The following PSG1 variants were observed in gnomAD, a reference collection of about 807,000 sequenced individuals.
PSG1 encodes pregnancy-specific beta-1-glycoprotein 1.
In PSG1, 60 loss-of-function variants were observed where a neutral mutation model predicts 41.4. The ratio of observed to expected loss-of-function variants is 1.45; its 90% CI spans 1.18 to 1.80. The LOEUF (loss-of-function observed/expected upper bound fraction) is 1.80. PSG1 is among the 40% of genes most tolerant of loss of function. The probability of loss-of-function intolerance (pLI) is 0.00; values close to 1 mark genes in which losing one functional copy is unlikely to be tolerated. For missense variants in PSG1, 806 were observed against 516.9 expected (o/e 1.56, Z -5.42); for synonymous variants, 256 against 192.9 (o/e 1.33, Z -2.71).
chr19:42,868,794 C>T lies in PSG1; in HGVS notation c.950G>A (p.Gly317Asp), dbSNP rs781467516. The change falls in exon 4 of 6, where the codon GGT becomes GAT. Residue 317 changes from glycine to aspartate, a missense_variant. Gly to Asp is a moderately conservative substitution (Grantham distance 94). Transcript: ENST00000436291. ...GGTGACTGGGTCACTGCGGATGCCACCATATCGGTCCCGTATTTCACATTG... is the reference window on the plus strand; with the variant it reads ...GGTGACTGGGTCACTGCGGATGCCATCATATCGGTCCCGTATTTCACATTG... ...PYQCEIRDRY[G>D]GIRSDPVTLN... is the part of the protein sequence containing the mutation. The T allele has an allele frequency of 4.3e-6, 7 of 1,611,908 alleles. No individual in the cohort carries two copies. In the East Asian group the frequency reaches 1.1e-4, roughly 26 times the overall value.
chr19:42,877,445 G>T (rs1031455697), intron 2 of PSG1, among the ~76,000 whole-genome samples: 2 of 151,524 alleles, frequency 1.3e-5, no homozygotes, highest in African/African-American at 4.9e-5. Context: ...AGTAAGCCCT[G>T]CCCAAGAAGC....
intron 3 of PSG1, chr19:42,870,325 G>A (rs571205907): frequency 2.0e-5 from 3 of 151,832 alleles, no homozygotes; most frequent in Admixed American, 2.0e-4. Context: ...ATGCTCCAGT[G>A]AGCATTTCTT....
Position 42,871,662 on chromosome 19 carries a change from G to C in PSG1, c.709+105C>G, listed in dbSNP as rs113337451. On this transcript the variant is annotated intron_variant, in intron 3 of 5. Coordinates refer to ENST00000436291, the MANE Select transcript of PSG1 (RefSeq NM_001184825.2). ...GTCATGGCCAGGTTTGATGTCCAGG[G>C]GTAAAGGTCTCTGTATTGGACCTGA... is the stretch of plus-strand genomic sequence containing the variant. The C allele has an allele frequency of 2.6e-4, 423 of 1,610,530 alleles. 16 individuals carry two copies. The highest frequency in any genetic ancestry group is 3.2e-4 in the Non-Finnish European group (372 of 1,178,112).
intron 4 of PSG1, among the ~76,000 whole-genome samples, 183 bp downstream of exon 4, chr19:42,868,573 C>A (rs1228895089): frequency 1.3e-5 from 2 of 151,230 alleles, no homozygotes; most frequent in South Asian, 4.2e-4. Flanking sequence ...CATCCCCTCC[C>A]CTTATATTCT....
intron 2 of PSG1, among the ~76,000 whole-genome samples, 171 bp from the exon 3 acceptor site, chr19:42,872,216 A>G (rs1971424156): frequency 6.6e-6 from 1 of 151,552 alleles, no homozygotes; most frequent in Non-Finnish European, 1.5e-5. Context: ...GGGCTCAGAG[A>G]TTGTGAGGCT....
chr19:42,869,884 T>G (rs1230277610), intron 3 of PSG1: 1 of 151,776 alleles, frequency 6.6e-6, no homozygotes, highest in Non-Finnish European at 1.5e-5. Context: ...AGGGTGGGAA[T>G]GAACTGCTGG....
At chr19:42,868,529 C>A (rs1381559962) in intron 4 of PSG1, among the ~76,000 whole-genome samples, 174 bp from the exon 5 acceptor site, 1 of 151,490 alleles carries the variant, frequency 6.6e-6, no homozygotes, top group Non-Finnish European at 1.5e-5. Context: ...TCTCCCATCA[C>A]AAGCTGTGGG....
chr19:42,867,664 A>G (rs755415936), intron 5 of PSG1: 1 of 758,514 alleles, frequency 1.3e-6, no homozygotes, highest in East Asian at 2.4e-5. Context: ...TAGTTGCCCA[A>G]TTCTGGGGCA....
rs1971699483 is a variant in PSG1 at position 42,878,184 on chromosome 19, T to C, written c.159A>G (p.Leu53=). ...TKVSEGKDVL[L]LVHNLPQNLT... Reference sequence around the variant, plus strand: ...GATTCTGGGGCAAATTGTGGACAAGTAGAAGAACATCCTTCCCCTCGGAAA... The same window carrying C: ...GATTCTGGGGCAAATTGTGGACAAGCAGAAGAACATCCTTCCCCTCGGAAA... The change falls in exon 2 of 6, where the codon CTA becomes CTG. Residue 53 remains leucine, a synonymous_variant. Coordinates refer to ENST00000436291, the MANE Select transcript of PSG1 (RefSeq NM_001184825.2). The C allele has an allele frequency of 3.7e-6, 6 of 1,612,130 alleles. No homozygotes were observed. Among genetic ancestry groups the C allele is most frequent in the Non-Finnish European group, 5.1e-6 (6 of 1,179,162 alleles).
At position 42,868,062 on chromosome 19, in the gene PSG1, C is replaced by T. The variant is rs755533183; in HGVS notation, c.1243+39G>A. ...TTCTCTGAATGCCAGATAGACTCCA[C>T]CTAAAACCCTATTGCCAACGATGCT... On this transcript the variant is annotated intron_variant, in intron 5 of 5. Coordinates refer to ENST00000436291, the MANE Select transcript of PSG1 (RefSeq NM_001184825.2). The T allele has an allele frequency of 1.9e-6, 3 of 1,612,112 alleles. No homozygotes were observed. In the East Asian group the frequency reaches 6.7e-5, roughly 36 times the overall value.
In PSG1 at chr19:42,875,658, C is replaced by T. The variant is rs150499529; in HGVS notation, c.430+2255G>A. Among the ~76,000 whole-genome samples, 1,021 of 151,498 alleles carry T rather than the reference C, an allele frequency of 6.7e-3. 33 individuals carry two copies. Among genetic ancestry groups the T allele is most frequent in the African/African-American group, 0.024 (995 of 41,266 alleles). ...AATCAGCAGTACTAATTTTTTAGTC[C>T]TGTGGCCCTGAAACTATCCTTGAAA... On this transcript the variant is annotated intron_variant, in intron 2 of 5. Coordinates refer to ENST00000436291, the MANE Select transcript of PSG1 (RefSeq NM_001184825.2).
chr19:42,876,401 G>T (rs1971608704), intron 2 of PSG1, among the ~76,000 whole-genome samples: 1 of 151,534 alleles, frequency 6.6e-6, no homozygotes. Flanking sequence ...GCAAGAGGTA[G>T]TGGGGGGATG....
Position 42,868,213 on chromosome 19 carries a change from T to C in PSG1, c.1131A>G (p.Gln377=), listed in dbSNP as rs1971218455. 1 of 1,612,282 alleles carries C rather than the reference T, an allele frequency of 6.2e-7. No homozygotes were observed. The highest frequency in any genetic ancestry group is 1.3e-5 in the African/African-American group (1 of 74,650). ...TINEKFQLPG[Q]KLFIRHITTK... ...TAGTAATATGGCGGATAAAGAGCTT[T>C]TGTCCTGGTAGCTGAAACTTTTCAT... is the stretch of plus-strand genomic sequence containing the variant. The change falls in exon 5 of 6, where the codon CAA becomes CAG. Residue 377 remains glutamine (Q), a synonymous_variant. Transcript: ENST00000436291.
chr19:42,871,282 T>C (rs1180853717), intron 3 of PSG1, among the ~76,000 whole-genome samples: 1 of 151,672 alleles, frequency 6.6e-6, no homozygotes, highest in Non-Finnish European at 1.5e-5. Context: ...GGATGGAGTC[T>C]GTGAGGCAGG....
Position 42,866,972 on chromosome 19 carries a change from T to C in PSG1, c.*162A>G, listed in dbSNP as rs756668438. On this transcript the variant is annotated 3_prime_UTR_variant, in exon 6 of 6. Coordinates refer to ENST00000436291, the MANE Select transcript of PSG1 (RefSeq NM_001184825.2). ...GAGCATCTGTTGTTATGGTGTCGAA[T>C]ATTTTGGTGAGTTCTGAGTGGCTCA... is the stretch of plus-strand genomic sequence containing the variant. 4 of 760,314 alleles carry C rather than the reference T, an allele frequency of 5.3e-6. No homozygotes were observed. Among genetic ancestry groups the C allele is most frequent in the African/African-American group, 1.7e-5 (1 of 58,798 alleles). The allele number at this position is 760,314 out of a possible 1,614,324, so 47.1% of individuals were successfully genotyped here. A position where few individuals can be genotyped will look rare whatever the true frequency, so the allele number is the denominator to read the frequency against.
rs201438645 is a variant in PSG1 at position 42,868,344 on chromosome 19, G to T, written c.1000C>A (p.Leu334Ile). ...GTGAATGAAGGGTAAATTCTGGGGA[G>T]GTCTGGACCATCTGGAGCAAAGAGA... ...VTLNVLYGPD[L>I]PRIYPSFTYY... is the part of the protein sequence containing the mutation. Residue 334 changes from leucine to isoleucine, a missense_variant, in exon 5 of 6, where the codon CTC becomes ATC. Leu to Ile is a conservative substitution (Grantham distance 5, BLOSUM62 2). Transcript: ENST00000436291. 1.2e-6 allele frequency: 2 copies of T among 1,609,126 alleles called. No individual in the cohort carries two copies. The highest frequency in any genetic ancestry group is 1.7e-6 in the Non-Finnish European group (2 of 1,176,924).
Position 42,868,900 on chromosome 19 carries a change from C to T in PSG1, c.844G>A (p.Val282Ile), listed in dbSNP as rs377302599. The T allele has an allele frequency of 2.2e-5, 36 of 1,610,462 alleles. No homozygotes were observed. Among genetic ancestry groups the T allele is most frequent in the Non-Finnish European group, 2.9e-5 (34 of 1,179,072 alleles). ...IWWLNGQSLP[V>I]SPRVKRPIEN... ...ATGGGTCGCTTTACCCTGGGACTGA[C>T]CGGGAGGCTCTGACCATTTAGCCAC... The change falls in exon 4 of 6, where the codon GTC (valine) becomes ATC (isoleucine). Residue 282 changes from valine to isoleucine, a missense_variant. Physicochemically the swap from Val to Ile is conservative, Grantham distance 29 (BLOSUM62 3). Transcript: ENST00000436291.
chr19:42,868,523 C>T lies in PSG1; in HGVS notation c.989-168G>A, dbSNP rs1336248629. ...ATCCTGAGGTATTCCCCTGTTTCTC[C>T]CATCACAAGCTGTGGGCCCCAAGTC... On this transcript the variant is annotated intron_variant, in intron 4 of 5. Transcript: ENST00000436291. 4.0e-5 allele frequency among the ~76,000 whole-genome samples: 6 copies of T among 151,432 alleles called. 1 individual carries two copies. The highest frequency in any genetic ancestry group is 8.8e-5 in the Non-Finnish European group (6 of 67,848).
At chr19:42,870,377 C>G (rs1193614741) in intron 3 of PSG1, 1 of 151,544 alleles carries the variant, frequency 6.6e-6, no homozygotes, top group Non-Finnish European at 1.5e-5. Context: ...GGTGATAAGC[C>G]AAAGATATTC....
Sources: gnomAD v4.1 joint callset for allele counts (sites outside exome capture counted in the v4.1 genomes callset) on GRCh38, gnomAD v4.1.1 for gene constraint, MANE v1.5 for transcripts, NCBI Gene and HGNC (gene_info 2026-07-23, HGNC 2026-07-21) for gene names.